ASAH2: variants seen among roughly 807,000 people sequenced by gnomAD.
ASAH2 encodes N-acylsphingosine amidohydrolase 2.
Under a neutral mutation model 82.9 loss-of-function variants are expected in ASAH2, and 58 were observed. The observed-to-expected ratio is 0.70, with a 90% confidence interval of 0.57 to 0.87. ASAH2 has a LOEUF of 0.87. ASAH2 is among the 40% of genes least tolerant of loss of function. The pLI, the probability that ASAH2 is intolerant of heterozygous loss-of-function variation, is 0.00. For synonymous variants in ASAH2, 276 were observed against 289.7 expected, an observed-to-expected ratio of 0.95 and a Z score of 0.48; for missense variants, 779 against 834.0, an observed-to-expected ratio of 0.93 and a Z score of 0.81.
At chr10:50,226,948 C>T (rs1845901976) in intron 7 of ASAH2, among the ~76,000 whole-genome samples, 1 of 151,658 alleles carries the variant, frequency 6.6e-6, no homozygotes, top group African/African-American at 2.4e-5. Context: ...CTACAATCTG[C>T]CATTTAAATA....
intron 7 of ASAH2, among the ~76,000 whole-genome samples, chr10:50,222,231 T>A (rs1845768379): frequency 6.6e-6 from 1 of 152,208 alleles, no homozygotes; most frequent in African/African-American, 2.4e-5. Flanking sequence ...ATGGTAACTA[T>A]GGAGAAAGCA....
Position 50,230,835 on chromosome 10 carries a change from G to A in ASAH2, c.893+2349C>T, listed in dbSNP as rs1846003853. ...GGTGGAGGATCACTTGAGACCAGGA[G>A]TTTGAGATCAGTCTGGGCAACAAGC... On this transcript the variant is annotated intron_variant, in intron 7 of 20. Coordinates refer to ENST00000682911, the MANE Select transcript of ASAH2 (RefSeq NM_019893.4). Among the ~76,000 whole-genome samples, 3 of 152,106 alleles carry A rather than the reference G, an allele frequency of 2.0e-5. No homozygotes were observed. The South Asian group carries it at 6.2e-4, about 32-fold the overall frequency.
intron 12 of ASAH2, among the ~76,000 whole-genome samples, chr10:50,208,375 A>G (rs1845360976): frequency 6.6e-6 from 1 of 152,058 alleles, no homozygotes; most frequent in Admixed American, 6.6e-5. Flanking sequence ...TAATATTTCT[A>G]TTTTAAGATG....
intron 7 of ASAH2, 126 bp from the exon 8 acceptor site, chr10:50,218,756 C>T (rs1285790802): frequency 9.4e-7 from 1 of 1,062,582 alleles, no homozygotes; most frequent in African/African-American, 1.5e-5. Flanking sequence ...CATTCTACAT[C>T]TACATTCTTT....
At chr10:50,213,226 A>G (rs1845508296) in intron 9 of ASAH2, among the ~76,000 whole-genome samples, 168 bp from the exon 10 acceptor site, 1 of 152,230 alleles carries the variant, frequency 6.6e-6, no homozygotes, top group South Asian at 2.1e-4. Flanking sequence ...CATACCTGGA[A>G]TTAGAAGAGT....
chr10:50,230,465 T>C (rs1319460810), intron 7 of ASAH2, among the ~76,000 whole-genome samples: 1 of 152,114 alleles, frequency 6.6e-6, no homozygotes, highest in African/African-American at 2.4e-5. Context: ...GCAGCCCACA[T>C]TTGACTTTAT....
chr10:50,210,288 G>T (rs1283269590), intron 12 of ASAH2, among the ~76,000 whole-genome samples: 1 of 152,062 alleles, frequency 6.6e-6, no homozygotes, highest in East Asian at 1.9e-4. Context: ...ATCACTTGAG[G>T]TCAGGAATTC....
rs1316249848 is a variant in ASAH2, at chr10:50,184,988, A to G, written c.*2327T>C. The G allele has an allele frequency of 4.6e-5, 7 of 151,640 alleles. No individual in the cohort carries two copies. Among genetic ancestry groups the G allele is most frequent in the Non-Finnish European group, 1.0e-4 (7 of 67,756 alleles). 9.4% of individuals were successfully genotyped at this position (151,640 alleles called of 1,614,324 possible). A position where few individuals can be genotyped will look rare whatever the true frequency, so the allele number is the denominator to read the frequency against. On this transcript the variant is annotated 3_prime_UTR_variant, in exon 21 of 21. Transcript: ENST00000682911. The stretch of plus-strand genomic sequence containing the variant: ...CAGTGCTTTTCAAAGAAGTCAAAAA[A>G]TCCTTAAAACCAGAGTAGGCAGGGT...
chr10:50,199,991 T>G (rs1181277520), intron 16 of ASAH2, among the ~76,000 whole-genome samples: 1 of 151,232 alleles, frequency 6.6e-6, no homozygotes, highest in East Asian at 2.0e-4. Flanking sequence ...TCACATGTCA[T>G]GAGGGTTGGT....
chr10:50,234,688 G>T, intron 5 of ASAH2, 136 bp from the exon 6 acceptor site: 1 of 1,239,558 alleles, frequency 8.1e-7, no homozygotes, highest in Non-Finnish European at 1.2e-6. Context: ...GATAAAAGCT[G>T]GAGAACCACA....
chr10:50,206,959 A>G (rs2133203799), intron 12 of ASAH2, among the ~76,000 whole-genome samples: 1 of 152,106 alleles, frequency 6.6e-6, no homozygotes, highest in East Asian at 1.9e-4. Flanking sequence ...ATTAAATTTT[A>G]CAAAGTAGAA....
rs1238641040 is a variant in ASAH2 at position 50,226,745 on chromosome 10, GA to G, written c.893+6438del. Among the ~76,000 whole-genome samples, 47 of 150,196 alleles carry G rather than the reference GA, an allele frequency of 3.1e-4. No individual in the cohort carries two copies. The South Asian group carries it at 5.2e-3, about 17-fold the overall frequency. On this transcript the variant is annotated intron_variant, in intron 7 of 20. Coordinates refer to ENST00000682911, the MANE Select transcript of ASAH2 (RefSeq NM_019893.4). ...TAATTAAATAATAATAAAGTCTATT[GA>G]AAAAAAAACTATGCCCAGCACTGGC...
At chr10:50,233,588 T>C (rs1177062534) in intron 6 of ASAH2, among the ~76,000 whole-genome samples, 10 of 152,256 alleles carry the variant, frequency 6.6e-5, no homozygotes, top group African/African-American at 2.4e-4. Context: ...ATATCAATTT[T>C]TAATGAAATC....
At chr10:50,207,633 TA>T (rs34303021) in intron 12 of ASAH2, among the ~76,000 whole-genome samples, 111,604 of 147,150 alleles carry the variant, frequency 0.76, 43,969 homozygotes, top group Non-Finnish European at 0.88. Flanking sequence ...ATAGGCAATC[TA>T]AAAAAAAAAA....
In ASAH2 at chr10:50,214,740, TA is replaced by T; in HGVS notation, c.1140+2del. ...AAAGATTTCATGTGTCATAATTACC[TA>T]CCCCACCAATGGGACAAGTGCTATT... On this transcript the variant is annotated splice_donor_variant, in intron 9 of 20. Transcript: ENST00000682911. LOFTEE classifies it high-confidence loss of function. 1.2e-6 allele frequency: 2 copies of T among 1,613,640 alleles called. No individual in the cohort carries two copies. Among genetic ancestry groups the T allele is most frequent in the Non-Finnish European group, 1.7e-6 (2 of 1,179,608 alleles).
rs192712253 is a variant in ASAH2 at position 50,251,475 on chromosome 10, C to T, written c.-117G>A. On this transcript the variant is annotated 5_prime_UTR_variant, in exon 1 of 21. The change creates a new upstream start codon in the 5' untranslated region. Coordinates refer to ENST00000682911, the MANE Select transcript of ASAH2 (RefSeq NM_019893.4). ...GAATCCTGTCCCCTTTCCCCTTGCA[C>T]GTTGCTGGGCTTACACCTCTCAGCA... Among the ~76,000 whole-genome samples the T allele has an allele frequency of 3.3e-5, 5 of 152,250 alleles. No homozygotes were observed. Among genetic ancestry groups the T allele is most frequent in the African/African-American group, 9.6e-5 (4 of 41,554 alleles).
intron 16 of ASAH2, 22 bp from the exon 17 acceptor site, chr10:50,199,168 T>C: frequency 1.2e-6 from 2 of 1,611,692 alleles, no homozygotes; most frequent in African/African-American, 1.3e-5. Flanking sequence ...GCAGGGAGAG[T>C]TGTATATGGT....
chr10:50,235,794 A>T, intron 5 of ASAH2, 94 bp downstream of exon 5: 4 of 1,426,768 alleles, frequency 2.8e-6, no homozygotes, highest in Non-Finnish European at 4.0e-6. Flanking sequence ...CTCAGACCCA[A>T]ATCCTATAGG....
chr10:50,218,026 G>A (rs1408958318), intron 8 of ASAH2, among the ~76,000 whole-genome samples: 2 of 152,176 alleles, frequency 1.3e-5, no homozygotes, highest in African/African-American at 4.8e-5. Context: ...TCAGGAGACT[G>A]AGGCACAAGA....
Sources: gnomAD v4.1 joint callset for allele counts (sites outside exome capture counted in the v4.1 genomes callset) on GRCh38, gnomAD v4.1.1 for gene constraint, MANE v1.5 for transcripts, NCBI Gene and HGNC (gene_info 2026-07-23, HGNC 2026-07-21) for gene names.